RPH3AL: variants seen among roughly 807,000 people sequenced by gnomAD.
RPH3AL encodes rabphilin 3A like (without C2 domains).
A neutral mutation model predicts 43.1 loss-of-function variants in RPH3AL; 38 were observed. That is an observed-to-expected ratio of 0.88 (90% CI 0.68 to 1.15). The LOEUF (loss-of-function observed/expected upper bound fraction) is 1.15. RPH3AL is among the 50% of genes most tolerant of loss of function. The probability of loss-of-function intolerance (pLI) is 0.00; values close to 1 mark genes in which losing one functional copy is unlikely to be tolerated. For synonymous variants in RPH3AL, 189 were observed against 176.3 expected (o/e 1.07, Z -0.57); for missense variants, 462 against 423.2 (o/e 1.09, Z -0.81).
At chr17:324,262 G>C (rs891389585) in intron 3 of RPH3AL, among the ~76,000 whole-genome samples, 1 of 152,110 alleles carries the variant, frequency 6.6e-6, no homozygotes, top group Non-Finnish European at 1.5e-5. Context: ...GGCCGCCTCC[G>C]CACCCACGTT....
At chr17:231,685 CCAAAAG>C (rs1477098541) in intron 7 of RPH3AL, among the ~76,000 whole-genome samples, 2 of 152,266 alleles carry the variant, frequency 1.3e-5, no homozygotes, top group East Asian at 3.8e-4. Flanking sequence ...GCTCTGCACA[CCAAAAG>C]CAAGCCAGAG....
At chr17:277,711 T>C (rs2042686359) in intron 6 of RPH3AL, among the ~76,000 whole-genome samples, 1 of 152,058 alleles carries the variant, frequency 6.6e-6, no homozygotes, top group South Asian at 2.1e-4. Context: ...TCTCAGCACG[T>C]TGGGAGACTG....
chr17:236,001 A>C lies in RPH3AL; in HGVS notation c.613+11110T>G, dbSNP rs531413788. The stretch of plus-strand genomic sequence containing the variant: ...GGCTCTACACTAACAAGACGGGTCC[A>C]TGGGTCAAAGCTGGGGTCGGCGGTG... On this transcript the variant is annotated intron_variant, in intron 7 of 9. Coordinates refer to ENST00000331302, the MANE Select transcript of RPH3AL (RefSeq NM_006987.4). Among the ~76,000 whole-genome samples the C allele has an allele frequency of 7.2e-3, 711 of 98,176 alleles. 46 individuals are homozygous for C. The highest frequency in any genetic ancestry group is 0.017 in the Middle Eastern group (3 of 176). 64.4% of individuals were successfully genotyped at this position (98,176 alleles called of 152,430 possible).
In RPH3AL at chr17:214,363, C is replaced by T. The variant is rs189264165; in HGVS notation, c.877-440G>A. Among the ~76,000 whole-genome samples the T allele has an allele frequency of 7.5e-4, 114 of 152,302 alleles. 1 individual carries two copies. The highest frequency in any genetic ancestry group is 3.6e-3 in the Admixed American group (55 of 15,298). On this transcript the variant is annotated intron_variant, in intron 9 of 9. Coordinates refer to ENST00000331302, the MANE Select transcript of RPH3AL (RefSeq NM_006987.4). ...CATGTGACACTGGATTTTGTCTCCC[C>T]GGAACCCTGTGAAGGACACCGTACC...
At chr17:253,616 C>T (rs1021463909) in intron 6 of RPH3AL, among the ~76,000 whole-genome samples, 6 of 152,120 alleles carry the variant, frequency 3.9e-5, no homozygotes, top group Admixed American at 6.5e-5. Context: ...AACCACTAAG[C>T]AATAGCTCTC....
At chr17:299,942 G>A (rs927112973) in intron 5 of RPH3AL, among the ~76,000 whole-genome samples, 34 of 152,364 alleles carry the variant, frequency 2.2e-4, no homozygotes, top group Admixed American at 9.1e-4. Context: ...CCTGACCAGT[G>A]TCCCAGGTAC....
chr17:247,612 A>G, intron 6 of RPH3AL: 3 of 307,484 alleles, frequency 9.8e-6, no homozygotes, highest in South Asian at 7.8e-5. Context: ...CAGTCTCCTC[A>G]GCAGCTGGGA....
chr17:299,578 T>C (rs1340528588), intron 5 of RPH3AL, among the ~76,000 whole-genome samples: 1 of 152,126 alleles, frequency 6.6e-6, no homozygotes, highest in Non-Finnish European at 1.5e-5. Context: ...CCATCCCCAG[T>C]TAAGGTCCGT....
At chr17:244,174 T>TA (rs1180533799) in intron 7 of RPH3AL, among the ~76,000 whole-genome samples, 4 of 101,936 alleles carry the variant, frequency 3.9e-5, no homozygotes, top group Non-Finnish European at 8.6e-5. Flanking sequence ...CTCTATTGAT[T>TA]CCCTTCCTCT....
At chr17:343,533 TTA>T (rs2045171729) in intron 1 of RPH3AL, among the ~76,000 whole-genome samples, 2 of 152,328 alleles carry the variant, frequency 1.3e-5, no homozygotes, top group South Asian at 4.1e-4. Context: ...TGGCTGCGAA[TTA>T]TGAGCTTGGT....
intron 6 of RPH3AL, among the ~76,000 whole-genome samples, chr17:259,160 C>G (rs1167047641): frequency 6.6e-6 from 1 of 152,164 alleles, no homozygotes; most frequent in Non-Finnish European, 1.5e-5. Flanking sequence ...GGTCTAAGAG[C>G]TCACCCTGAC....
intron 1 of RPH3AL, among the ~76,000 whole-genome samples, chr17:342,408 A>T (rs941753994): frequency 6.6e-6 from 1 of 152,260 alleles, no homozygotes; most frequent in Non-Finnish European, 1.5e-5. Flanking sequence ...CTGTACACCA[A>T]TGCTCATAGC....
At chr17:244,423 A>T (rs2041695218) in intron 7 of RPH3AL, among the ~76,000 whole-genome samples, 1 of 150,644 alleles carries the variant, frequency 6.6e-6, no homozygotes, top group African/African-American at 2.4e-5. Flanking sequence ...AGAGAGGGAG[A>T]GAAGGGAAGA....
chr17:266,320 G>A (rs1420686304), intron 6 of RPH3AL, among the ~76,000 whole-genome samples: 2 of 152,010 alleles, frequency 1.3e-5, no homozygotes, highest in Non-Finnish European at 2.9e-5. Context: ...GCACCTGCGT[G>A]CATGCTGGTG....
chr17:277,708 A>C (rs1156434451), intron 6 of RPH3AL, among the ~76,000 whole-genome samples: 1 of 152,152 alleles, frequency 6.6e-6, no homozygotes, highest in African/African-American at 2.4e-5. Flanking sequence ...TAATCTCAGC[A>C]CGTTGGGAGA....
rs569699762 is a variant in RPH3AL at position 223,199 on chromosome 17, A to AG, written c.614-3464_614-3463insC. Among the ~76,000 whole-genome samples, 183 of 151,494 alleles carry AG rather than the reference A, an allele frequency of 1.2e-3. 1 individual carries two copies. The highest frequency in any genetic ancestry group is 1.9e-3 in the Non-Finnish European group (131 of 67,832). ...AGCAAGACTCTGTCTCAAAAAAGAA[A>AG]AAAAAAAAAAGACTTTCCAAAGTCT... On this transcript the variant is annotated intron_variant, in intron 7 of 9. Coordinates refer to ENST00000331302, the MANE Select transcript of RPH3AL (RefSeq NM_006987.4).
rs75759889 is a variant in RPH3AL at position 245,541 on chromosome 17, G to T, written c.613+1570C>A. Among the ~76,000 whole-genome samples, 11,660 of 152,050 alleles carry T rather than the reference G, an allele frequency of 0.077. 547 individuals are homozygous for T. Among genetic ancestry groups the T allele is most frequent in the African/African-American group, 0.12 (5,116 of 41,410 alleles). ...GTGGCAGCTCTTGAAGTGGGGCATAGGCCACAGCTGCCCCCATAGGCCTTC... is the reference window on the plus strand; with the variant it reads ...GTGGCAGCTCTTGAAGTGGGGCATATGCCACAGCTGCCCCCATAGGCCTTC... On this transcript the variant is annotated intron_variant, in intron 7 of 9. Coordinates refer to ENST00000331302, the MANE Select transcript of RPH3AL (RefSeq NM_006987.4). This position sits in a 1 kb window ranked among gnomAD's most constrained non-coding sequence, Gnocchi z 5.9.
chr17:241,366 A>G (rs547691719), intron 7 of RPH3AL, among the ~76,000 whole-genome samples: 1 of 152,342 alleles, frequency 6.6e-6, no homozygotes, highest in South Asian at 2.1e-4. Context: ...ACGGCACTCC[A>G]TCCTGGGTGA....
rs72821629 is a variant in RPH3AL at position 262,728 on chromosome 17, G to A, written c.439-15443C>T. On this transcript the variant is annotated intron_variant, in intron 6 of 9. Transcript: ENST00000331302. Reference sequence around the variant, plus strand: ...CAAACGAATCCTAAGCCCATGCCCCGAGCCATCTCCTTTATCTAACGCCCA... The same window carrying A: ...CAAACGAATCCTAAGCCCATGCCCCAAGCCATCTCCTTTATCTAACGCCCA... 7.3e-3 allele frequency among the ~76,000 whole-genome samples: 1,114 copies of A among 152,214 alleles called. 6 individuals carry two copies. Among genetic ancestry groups the A allele is most frequent in the Non-Finnish European group, 0.011 (766 of 68,014 alleles).
Sources: allele counts gnomAD v4.1 joint callset (sites outside exome capture counted in the v4.1 genomes callset), GRCh38; gene constraint gnomAD v4.1.1; non-coding constraint Gnocchi (gnomAD v3.1); transcripts MANE v1.5; gene names NCBI Gene and HGNC (gene_info 2026-07-23, HGNC 2026-07-21).